Variants in HOXC4 observed in about 807,000 individuals in gnomAD.
HOXC4 encodes the protein homeobox protein Hox-C4.
HOXC4 carries 15 observed loss-of-function variants against 25.5 expected under a neutral mutation model. That is an observed-to-expected ratio of 0.59 (90% CI 0.39 to 0.91). The LOEUF is 0.91. HOXC4 is among the 40% of genes least tolerant of loss of function. The pLI, the probability that HOXC4 is intolerant of heterozygous loss-of-function variation, is 0.00. For missense variants in HOXC4, 342 were observed against 352.4 expected (o/e 0.97, Z 0.24); for synonymous variants, 165 against 148.0 (o/e 1.11, Z -0.83).
chr12:54,027,785 C>G (rs1004943639), intron 1 of HOXC4, among the ~76,000 whole-genome samples: 1 of 152,166 alleles, frequency 6.6e-6, no homozygotes, highest in African/African-American at 2.4e-5. Context: ...GCCACTGTAC[C>G]CTGAAGTCTT....
intron 1 of HOXC4, chr12:54,034,746 C>T: frequency 2.0e-6 from 1 of 508,298 alleles, no homozygotes; most frequent in Non-Finnish European, 3.6e-6. Context: ...GGGCAAGCTC[C>T]GCAGGACTTC....
intron 1 of HOXC4, among the ~76,000 whole-genome samples, chr12:54,042,389 C>G (rs942258524): frequency 1.3e-5 from 2 of 152,208 alleles, no homozygotes; most frequent in African/African-American, 4.8e-5. Context: ...ACTTCTCACA[C>G]TGGGGTACCA....
intron 1 of HOXC4, chr12:54,028,609 G>A (rs766957178): frequency 3.1e-6 from 5 of 1,613,956 alleles, no homozygotes; most frequent in East Asian, 4.5e-5. Context: ...CAATTCCACC[G>A]CCTATGATCC....
At chr12:54,030,752 C>T (rs1448844959) in intron 1 of HOXC4, 1 of 152,614 alleles carries the variant, frequency 6.6e-6, no homozygotes. Context: ...TCGTGTTACC[C>T]TCCTGTATAA....
chr12:54,054,391 T>G, intron 1 of HOXC4, 30 bp downstream of exon 1: 9 of 1,041,810 alleles, frequency 8.6e-6, no homozygotes, highest in Admixed American at 3.4e-5. Context: ...GCTCCCCCCC[T>G]CCCTCCCTTC....
chr12:54,051,031 C>T (rs1002309105), upstream of HOXC4, among the ~76,000 whole-genome samples: 5 of 151,866 alleles, frequency 3.3e-5, no homozygotes, highest in Non-Finnish European at 7.4e-5. Flanking sequence ...AGAAACCTGG[C>T]GGGGGTGGGA....
chr12:54,046,396 C>CT (rs1937704803), intron 1 of HOXC4, among the ~76,000 whole-genome samples: 1 of 152,044 alleles, frequency 6.6e-6, no homozygotes, highest in African/African-American at 2.4e-5. Context: ...GGCAACATTG[C>CT]TGTGGGGGAG....
chr12:54,030,164 C>T, intron 1 of HOXC4: 1 of 525,164 alleles, frequency 1.9e-6, no homozygotes, highest in South Asian at 3.2e-5. Flanking sequence ...CACGCGCCTC[C>T]TCCTCCTCGC....
intron 1 of HOXC4, chr12:54,029,756 C>T (rs759420807): frequency 6.2e-7 from 1 of 1,614,154 alleles, no homozygotes; most frequent in Non-Finnish European, 8.5e-7. Flanking sequence ...CTACCTAACG[C>T]GGCGCCGGCG....
At chr12:54,024,962 T>G (rs998311730) in intron 1 of HOXC4, among the ~76,000 whole-genome samples, 2 of 152,236 alleles carry the variant, frequency 1.3e-5, no homozygotes, top group Admixed American at 6.5e-5. Context: ...CTGTGTTTTT[T>G]GAATTCTGTT....
At chr12:54,025,407 C>G (rs1314961396) in intron 1 of HOXC4, among the ~76,000 whole-genome samples, 2 of 151,828 alleles carry the variant, frequency 1.3e-5, no homozygotes, top group Non-Finnish European at 2.9e-5. Context: ...TAGGGAAGAT[C>G]GGGCTCATCT....
At chr12:54,026,947 A>AC (rs1940736487) in intron 1 of HOXC4, among the ~76,000 whole-genome samples, 1 of 132,634 alleles carries the variant, frequency 7.5e-6, no homozygotes, top group Non-Finnish European at 1.6e-5. Flanking sequence ...CCCCCCCCCC[A>AC]ACCCACCCAA....
At chr12:54,053,760 A>C, upstream of HOXC4, 1 of 604,842 alleles carries the variant, frequency 1.7e-6, no homozygotes, top group Non-Finnish European at 2.9e-6. Context: ...TACATTTTGA[A>C]TAAAGCGATT....
At chr12:54,037,244 C>A (rs1293809668) in intron 1 of HOXC4, among the ~76,000 whole-genome samples, 6 of 152,242 alleles carry the variant, frequency 3.9e-5, no homozygotes, top group Admixed American at 3.9e-4. Flanking sequence ...CTGATTTCTC[C>A]CTGAACAGGG....
chr12:54,053,410 C>T (rs1485290212), upstream of HOXC4: 12 of 156,138 alleles, frequency 7.7e-5, no homozygotes, highest in Admixed American at 6.9e-4. Flanking sequence ...TCAACTTCCT[C>T]TTCCTGCGAA....
chr12:54,018,499 T>C (rs1405347016), intron 1 of HOXC4, among the ~76,000 whole-genome samples: 1 of 152,250 alleles, frequency 6.6e-6, no homozygotes, highest in Non-Finnish European at 1.5e-5. Flanking sequence ...GGGAGGGTCC[T>C]GGGCACTCGG....
At chr12:54,054,421 C>G in intron 1 of HOXC4, 60 bp downstream of exon 1, 2 of 1,203,858 alleles carry the variant, frequency 1.7e-6, no homozygotes, top group South Asian at 3.2e-5. Flanking sequence ...GCTCCCCACC[C>G]TCCTCGGCCC....
chr12:54,034,371 G>A (rs781526097), intron 1 of HOXC4: 3 of 1,614,160 alleles, frequency 1.9e-6, no homozygotes, highest in Admixed American at 1.7e-5. Flanking sequence ...CTCACTCGCC[G>A]CAGGCGCATA....
At chr12:54,046,990 G>T (rs1565751561) in intron 1 of HOXC4, among the ~76,000 whole-genome samples, 2 of 152,358 alleles carry the variant, frequency 1.3e-5, no homozygotes, top group South Asian at 2.1e-4. Flanking sequence ...GGTAGGGGCC[G>T]CAGTGGGGAC....
Sources: gnomAD v4.1 joint callset for allele counts (sites outside exome capture counted in the v4.1 genomes callset) on GRCh38, gnomAD v4.1.1 for gene constraint, MANE v1.5 for transcripts, NCBI Gene and HGNC (gene_info 2026-07-23, HGNC 2026-07-21) for gene names.